SMYD2: variants seen among roughly 807,000 people sequenced by gnomAD.
The protein encoded by SMYD2 is N-lysine methyltransferase SMYD2.
SMYD2 carries 53 observed loss-of-function variants against 59.1 expected under a neutral mutation model. The ratio of observed to expected loss-of-function variants is 0.90; its 90% CI spans 0.72 to 1.13. The LOEUF is 1.13. Among genes scored for constraint, SMYD2 ranks in the 50% most tolerant of loss-of-function variants. The probability of loss-of-function intolerance (pLI) is 0.00; values close to 1 mark genes in which losing one functional copy is unlikely to be tolerated. For synonymous variants in SMYD2, 208 were observed against 198.8 expected (o/e 1.05, Z -0.39); for missense variants, 494 against 544.7 (o/e 0.91, Z 0.93).
chr1:214,336,167 A>AT (rs68101274), intron 11 of SMYD2, among the ~76,000 whole-genome samples: 4 of 151,764 alleles, frequency 2.6e-5, no homozygotes, highest in Non-Finnish European at 4.4e-5. Context: ...CCAGCTGGAT[A>AT]TTTTTGCAGA....
chr1:214,307,778 C>A (rs9430131), intron 2 of SMYD2, among the ~76,000 whole-genome samples: 42,831 of 152,102 alleles, frequency 0.28, 6,474 homozygotes, highest in Non-Finnish European at 0.34. Flanking sequence ...CCAGAGACCT[C>A]ATTTGTAAGC....
At chr1:214,299,918 T>C (rs1656794743) in intron 1 of SMYD2, among the ~76,000 whole-genome samples, 1 of 152,182 alleles carries the variant, frequency 6.6e-6, no homozygotes, top group South Asian at 2.1e-4. Context: ...GTTCTCACTT[T>C]GAAGTGGGAG....
Position 214,318,452 on chromosome 1 carries a change from A to C in SMYD2, c.409+313A>C, listed in dbSNP as rs1030070761. Among the ~76,000 whole-genome samples, 5 of 152,114 alleles carry C rather than the reference A, an allele frequency of 3.3e-5. No homozygotes were observed. Among genetic ancestry groups the C allele is most frequent in the African/African-American group, 1.2e-4 (5 of 41,426 alleles). On this transcript the variant is annotated intron_variant, in intron 4 of 11. Transcript: ENST00000366957. The surrounding 1 kb of genome is among the most constrained non-coding windows in gnomAD (Gnocchi z 5.4). ...GATCTTTGCTGAATTGCGTCCTCTA[A>C]ATAGCTGATGTTCTTACTGAAAGCC...
At chr1:214,301,144 G>C (rs1430287282) in intron 1 of SMYD2, among the ~76,000 whole-genome samples, 1 of 152,098 alleles carries the variant, frequency 6.6e-6, no homozygotes, top group East Asian at 1.9e-4. Context: ...AAGACAACTG[G>C]ATTTTCAAAT....
In SMYD2 at chr1:214,281,357, T is replaced by C; in HGVS notation, c.103T>C (p.Ser35Pro). ...QPFQVGDLLF[S>P]CPAYAYVLTV... is the part of the protein sequence containing the mutation. ...CTTCCAGGTGGGGGACTTGCTGTTC[T>C]CCTGCCCGGCCTATGCCTACGTGCT... Residue 35 changes from serine (S) to proline (P), a missense_variant, in exon 1 of 12, where the codon TCC becomes CCC. Physicochemically the swap from Ser to Pro is moderately conservative, Grantham distance 74. Transcript: ENST00000366957. 6.9e-7 allele frequency: 1 copy of C among 1,454,862 alleles called. No individual in the cohort carries two copies. The highest frequency in any genetic ancestry group is 9.1e-7 in the Non-Finnish European group (1 of 1,095,178). 90.1% of individuals were successfully genotyped at this position (1,454,862 alleles called of 1,614,324 possible). A position where few individuals can be genotyped will look rare whatever the true frequency, so the allele number is the denominator to read the frequency against.
In SMYD2 at chr1:214,318,486, A is replaced by G. The variant is rs1339155156; in HGVS notation, c.409+347A>G. Among the ~76,000 whole-genome samples, 1 of 152,124 alleles carries G rather than the reference A, an allele frequency of 6.6e-6. No individual in the cohort carries two copies. Among genetic ancestry groups the G allele is most frequent in the Non-Finnish European group, 1.5e-5 (1 of 68,028 alleles). ...TGTTCTTACTGAAAGCCGTGAAATC[A>G]GGGGTTGTCCAGTTGTTTGACCACG... is the stretch of plus-strand genomic sequence containing the variant. On this transcript the variant is annotated intron_variant, in intron 4 of 11. Transcript: ENST00000366957. This position sits in a 1 kb window ranked among gnomAD's most constrained non-coding sequence, Gnocchi z 5.4.
In SMYD2 at chr1:214,330,269, C is replaced by A; in HGVS notation, c.807C>A (p.Thr269=). 6.2e-7 allele frequency: 1 copy of A among 1,609,370 alleles called. No individual in the cohort carries two copies. Among genetic ancestry groups the A allele is most frequent in the South Asian group, 1.1e-5 (1 of 90,600 alleles). The change falls in exon 8 of 12, where the codon ACC becomes ACA. Residue 269 remains threonine, a synonymous_variant. Transcript: ENST00000366957. ...CCTGTGAGTGCCAGGAGTGTACCACCAAGGACAAGGTAAGGTTGTTCATTG... is the reference window on the plus strand; with the variant it reads ...CCTGTGAGTGCCAGGAGTGTACCACAAAGGACAAGGTAAGGTTGTTCATTG... ...FFTCECQECT[T]KDKDKAKVEI...
chr1:214,283,006 T>C (rs2102449657), intron 1 of SMYD2, among the ~76,000 whole-genome samples: 1 of 152,294 alleles, frequency 6.6e-6, no homozygotes, highest in East Asian at 1.9e-4. Flanking sequence ...TGGCAATTCC[T>C]GGAAGCCATC....
chr1:214,309,345 A>G (rs1315597744), intron 2 of SMYD2, among the ~76,000 whole-genome samples: 1 of 150,970 alleles, frequency 6.6e-6, no homozygotes, highest in African/African-American at 2.4e-5. Context: ...TACGCCTGGG[A>G]AGCAAAGTAT....
intron 1 of SMYD2, among the ~76,000 whole-genome samples, 192 bp downstream of exon 1, chr1:214,281,619 C>T (rs971229790): frequency 2.0e-5 from 3 of 152,156 alleles, no homozygotes; most frequent in African/African-American, 7.2e-5. Context: ...GCGCCACGTG[C>T]GAGAGGAAAC....
intron 2 of SMYD2, among the ~76,000 whole-genome samples, chr1:214,310,468 T>G (rs1571926757): frequency 6.6e-6 from 1 of 151,876 alleles, no homozygotes; most frequent in Admixed American, 6.6e-5. Context: ...TATATCTTCC[T>G]GAATCCCTTC....
intron 1 of SMYD2, among the ~76,000 whole-genome samples, chr1:214,288,027 G>A (rs537567360): frequency 1.3e-5 from 2 of 152,290 alleles, no homozygotes; most frequent in South Asian, 4.1e-4. Context: ...TGACCAAGCT[G>A]CACGTTTGGA....
At chr1:214,328,051 C>T (rs1234205761) in intron 7 of SMYD2, among the ~76,000 whole-genome samples, 1 of 152,200 alleles carries the variant, frequency 6.6e-6, no homozygotes, top group Non-Finnish European at 1.5e-5. Flanking sequence ...AAAATGACCA[C>T]AGTCAAACTT....
intron 3 of SMYD2, among the ~76,000 whole-genome samples, chr1:214,315,697 C>G (rs1368889868): frequency 1.6e-4 from 25 of 152,188 alleles, no homozygotes; most frequent in Admixed American, 1.6e-3. Context: ...TGCACCATTA[C>G]CCACCAGAGC....
At chr1:214,333,962 G>A in intron 10 of SMYD2, 2 of 394,328 alleles carry the variant, frequency 5.1e-6, no homozygotes, top group Admixed American at 3.6e-5. Context: ...GATTTCTCCT[G>A]CAGTTGTTAC....
Position 214,330,151 on chromosome 1 carries a change from CT to C in SMYD2, c.706-12del. ...TACCTGTAGCAGACTGAAGCTTTATCTTTTTGGACCCCGTAGGTTTTTACCA... is the reference window on the plus strand; with the variant it reads ...TACCTGTAGCAGACTGAAGCTTTATCTTTTGGACCCCGTAGGTTTTTACCA... On this transcript the variant is annotated splice_polypyrimidine_tract_variant and intron_variant, in intron 7 of 11. Transcript: ENST00000366957. 2 of 1,556,104 alleles carry C rather than the reference CT, an allele frequency of 1.3e-6. No individual in the cohort carries two copies. Among genetic ancestry groups the C allele is most frequent in the South Asian group, 1.1e-5 (1 of 86,972 alleles).
intron 1 of SMYD2, among the ~76,000 whole-genome samples, chr1:214,301,795 A>AT: frequency 6.9e-6 from 1 of 145,194 alleles, no homozygotes; most frequent in South Asian, 2.2e-4. Context: ...AAAGCCAGGA[A>AT]TTTTTCCAAG....
intron 11 of SMYD2, among the ~76,000 whole-genome samples, chr1:214,335,440 C>T (rs936514108): frequency 6.6e-6 from 1 of 152,182 alleles, no homozygotes; most frequent in African/African-American, 2.4e-5. Context: ...TGGGCAGAGT[C>T]GGCACCTGGA....
intron 11 of SMYD2, among the ~76,000 whole-genome samples, chr1:214,335,232 A>G (rs936594018): frequency 1.9e-4 from 29 of 152,266 alleles, no homozygotes; most frequent in Non-Finnish European, 1.5e-5. Context: ...TAAGGCCCAC[A>G]TCCCAAATAG....
Sources: gnomAD v4.1 joint callset for allele counts (sites outside exome capture counted in the v4.1 genomes callset) on GRCh38, gnomAD v4.1.1 for gene constraint, Gnocchi (gnomAD v3.1) non-coding constraint, MANE v1.5 for transcripts, NCBI Gene and HGNC (gene_info 2026-07-23, HGNC 2026-07-21) for gene names.